Variants in ASIC2 observed in about 807,000 individuals in gnomAD.
The protein encoded by ASIC2 is acid-sensing ion channel 2.
A neutral mutation model predicts 57.3 loss-of-function variants in ASIC2; 25 were observed. The ratio of observed to expected loss-of-function variants is 0.44; its 90% CI spans 0.32 to 0.61. The LOEUF (loss-of-function observed/expected upper bound fraction) is 0.61. Ranked by LOEUF, ASIC2 falls within the 20% of genes least tolerant of loss-of-function variation. The pLI is 0.06. For synonymous variants in ASIC2, 319 were observed against 307.5 expected, an observed-to-expected ratio of 1.04 and a Z score of -0.39; for missense variants, 641 against 738.1, an observed-to-expected ratio of 0.87 and a Z score of 1.52.
intron 1 of ASIC2, among the ~76,000 whole-genome samples, chr17:33,916,809 C>T (rs1016605785): frequency 6.6e-6 from 1 of 152,216 alleles, no homozygotes; most frequent in Admixed American, 6.5e-5. Flanking sequence ...ACCCAAACCA[C>T]AGGTTTACAA....
intron 2 of ASIC2, among the ~76,000 whole-genome samples, chr17:33,106,111 C>T (rs12450446): frequency 0.38 from 58,273 of 151,696 alleles, 11,402 homozygotes; most frequent in Middle Eastern, 0.51. Context: ...ATTCTCATAG[C>T]GGTTAATAGC....
chr17:33,630,932 T>C (rs1906145812), intron 1 of ASIC2, among the ~76,000 whole-genome samples: 1 of 152,234 alleles, frequency 6.6e-6, no homozygotes, highest in Non-Finnish European at 1.5e-5. Flanking sequence ...CAAAGTCCTA[T>C]CTCACCAAAA....
chr17:33,151,716 C>T (rs1400141733), intron 1 of ASIC2, among the ~76,000 whole-genome samples: 1 of 152,218 alleles, frequency 6.6e-6, no homozygotes, highest in Non-Finnish European at 1.5e-5. Context: ...CTCATGTGTG[C>T]TCTCTTGCCT....
At chr17:33,798,628 C>T (rs558481968) in intron 1 of ASIC2, among the ~76,000 whole-genome samples, 2 of 152,274 alleles carry the variant, frequency 1.3e-5, no homozygotes, top group East Asian at 3.9e-4. Flanking sequence ...GTGTTCTGTG[C>T]CGATGGAGGA....
chr17:34,141,735 G>C (rs772795518), intron 1 of ASIC2, among the ~76,000 whole-genome samples: 4 of 152,122 alleles, frequency 2.6e-5, no homozygotes, highest in Non-Finnish European at 4.4e-5. Context: ...ACTGAAATAC[G>C]CCTCTCTGCA....
At chr17:33,464,504 CT>C (rs1197763807) in intron 1 of ASIC2, among the ~76,000 whole-genome samples, 3 of 39,434 alleles carry the variant, frequency 7.6e-5, no homozygotes, top group African/African-American at 2.1e-4. Context: ...TTCTTTCTTT[CT>C]TTCTTTCTTT....
chr17:33,660,122 G>A (rs1372812987), intron 1 of ASIC2, among the ~76,000 whole-genome samples: 2 of 151,708 alleles, frequency 1.3e-5, no homozygotes, highest in African/African-American at 4.8e-5. Context: ...CCCCTATAGG[G>A]CACTTAGCAT....
intron 1 of ASIC2, among the ~76,000 whole-genome samples, chr17:33,819,935 T>C (rs538192869): frequency 6.0e-4 from 92 of 152,326 alleles, no homozygotes; most frequent in African/African-American, 2.2e-3. Context: ...TGGAAAGCTG[T>C]ATGTCACCTC....
chr17:33,560,335 C>G (rs1916035924), intron 1 of ASIC2, among the ~76,000 whole-genome samples: 1 of 152,182 alleles, frequency 6.6e-6, no homozygotes, highest in African/African-American at 2.4e-5. Flanking sequence ...ACCTTGGAGA[C>G]CAAGTTCTTT....
intron 1 of ASIC2, among the ~76,000 whole-genome samples, chr17:33,591,867 G>A (rs549777239): frequency 2.0e-5 from 3 of 152,198 alleles, no homozygotes; most frequent in Admixed American, 2.0e-4. Flanking sequence ...TAGTTTGCTT[G>A]CACCTTCAAC....
Position 33,016,047 on chromosome 17 carries a change from A to G in ASIC2, c.1522-8T>C, listed in dbSNP as rs1286498030. ...TAGCTTCTCTTTGATCAGCTGCAAG[A>G]AAAGCAGGAAGGGGTTGGTCAGGCC... On this transcript the variant is annotated splice_polypyrimidine_tract_variant and splice_region_variant and intron_variant, in intron 8 of 9. Coordinates refer to ENST00000225823, the MANE Select transcript of ASIC2 (RefSeq NM_183377.2). 1 of 1,613,530 alleles carries G rather than the reference A, an allele frequency of 6.2e-7. No homozygotes were observed. Among genetic ancestry groups the G allele is most frequent in the African/African-American group, 1.3e-5 (1 of 74,932 alleles).
At chr17:33,122,388 T>C (rs2092306085) in intron 1 of ASIC2, among the ~76,000 whole-genome samples, 1 of 152,164 alleles carries the variant, frequency 6.6e-6, no homozygotes, top group African/African-American at 2.4e-5. Flanking sequence ...CAGAGGGTAC[T>C]CACTTGATAA....
chr17:33,928,277 G>A (rs999198966), intron 1 of ASIC2, among the ~76,000 whole-genome samples: 3 of 152,198 alleles, frequency 2.0e-5, no homozygotes, highest in Non-Finnish European at 4.4e-5. Flanking sequence ...TCAATGTGCT[G>A]GACAGTTGTG....
intron 5 of ASIC2, among the ~76,000 whole-genome samples, chr17:33,025,528 G>A (rs980346276): frequency 2.6e-5 from 4 of 152,120 alleles, no homozygotes; most frequent in Admixed American, 6.5e-5. Context: ...CACCATCAGA[G>A]TGTGTGAGGG....
At chr17:33,166,665 T>C (rs1486278196) in intron 1 of ASIC2, among the ~76,000 whole-genome samples, 1 of 152,054 alleles carries the variant, frequency 6.6e-6, no homozygotes, top group Non-Finnish European at 1.5e-5. Context: ...ATCCTTGCAG[T>C]GACTGGAAGG....
intron 1 of ASIC2, among the ~76,000 whole-genome samples, chr17:33,805,843 C>A (rs1455763829): frequency 6.6e-6 from 1 of 152,296 alleles, no homozygotes; most frequent in East Asian, 1.9e-4. Context: ...GTTACACACA[C>A]AACATCCCTT....
intron 1 of ASIC2, among the ~76,000 whole-genome samples, chr17:33,174,265 T>C (rs994201650): frequency 2.0e-5 from 3 of 151,872 alleles, no homozygotes; most frequent in African/African-American, 4.8e-5. Flanking sequence ...CTACTAAAAA[T>C]ACAAAATTAG....
At chr17:33,973,474 G>A (rs1370284230) in intron 1 of ASIC2, among the ~76,000 whole-genome samples, 33 of 152,196 alleles carry the variant, frequency 2.2e-4, no homozygotes, top group Admixed American at 2.2e-3. Context: ...CCAGACTTGG[G>A]CAATTGAGTG....
chr17:33,591,667 G>A (rs4795815), intron 1 of ASIC2, among the ~76,000 whole-genome samples: 29,781 of 152,040 alleles, frequency 0.2, 3,002 homozygotes, highest in South Asian at 0.37. Context: ...ACCAGGAAAT[G>A]TCTCAGATCT....
Sources: allele counts gnomAD v4.1 joint callset (sites outside exome capture counted in the v4.1 genomes callset), GRCh38; gene constraint gnomAD v4.1.1; transcripts MANE v1.5; gene names NCBI Gene and HGNC (gene_info 2026-07-23, HGNC 2026-07-21).